Variants in NCAM2 observed in about 807,000 individuals in gnomAD.
NCAM2 encodes neural cell adhesion molecule 2.
A neutral mutation model predicts 98.1 loss-of-function variants in NCAM2; 30 were observed. The ratio of observed to expected loss-of-function variants is 0.31; its 90% confidence interval spans 0.23 to 0.41. The LOEUF (loss-of-function observed/expected upper bound fraction) is 0.41. Among genes scored for constraint, NCAM2 ranks in the 10% least tolerant of loss-of-function variants. The pLI, the probability that NCAM2 is intolerant of heterozygous loss-of-function variation, is 1.00. For missense variants in NCAM2, 867 were observed against 1,005.8 expected (o/e 0.86, Z 1.87); for synonymous variants, 368 against 342.4 (o/e 1.07, Z -0.83).
intron 1 of NCAM2, among the ~76,000 whole-genome samples, chr21:21,251,600 G>T (rs1289443248): frequency 6.6e-6 from 1 of 152,126 alleles, no homozygotes; most frequent in Admixed American, 6.5e-5. Context: ...ATTGTGAATA[G>T]TGCTGCAGTA....
At chr21:21,403,614 A>G (rs2076678146) in intron 9 of NCAM2, among the ~76,000 whole-genome samples, 1 of 152,196 alleles carries the variant, frequency 6.6e-6, no homozygotes, top group South Asian at 2.1e-4. Flanking sequence ...ATTATTTTGA[A>G]TTATTAGTGT....
At position 21,537,953 on chromosome 21, in the gene NCAM2, C is replaced by A; in HGVS notation, c.2510C>A (p.Ala837Glu). 2 of 1,518,308 alleles carry A rather than the reference C, an allele frequency of 1.3e-6. No homozygotes were observed. Among genetic ancestry groups the A allele is most frequent in the Non-Finnish European group, 1.8e-6 (2 of 1,117,668 alleles). The allele number at this position is 1,518,308 out of a possible 1,614,324, so 94.1% of individuals were successfully genotyped here. A position where few individuals can be genotyped will look rare whatever the true frequency, so the allele number is the denominator to read the frequency against. ...CAATCAAAAGAAGACGACAGCAAAG[C>A]ATAACAACAATATTACAGGGGCTTG... is the stretch of plus-strand genomic sequence containing the variant. ...IIQSKEDDSK[A>E] Residue 837 changes from alanine to glutamate, a missense_variant, in exon 18 of 18, where the codon GCA becomes GAA. Transcript: ENST00000400546.
chr21:21,389,532 C>T (rs1019331359), intron 9 of NCAM2, among the ~76,000 whole-genome samples: 1 of 152,110 alleles, frequency 6.6e-6, no homozygotes, highest in Non-Finnish European at 1.5e-5. Flanking sequence ...CGTCTTATTC[C>T]TCCTATCTAA....
intron 15 of NCAM2, among the ~76,000 whole-genome samples, chr21:21,483,149 C>T (rs1986043006): frequency 6.6e-6 from 1 of 151,940 alleles, no homozygotes; most frequent in Admixed American, 6.6e-5. Context: ...TGTTTGATAA[C>T]ATTTATATTT....
chr21:21,130,182 T>A (rs2146608481), intron 1 of NCAM2, among the ~76,000 whole-genome samples: 1 of 152,290 alleles, frequency 6.6e-6, no homozygotes, highest in African/African-American at 2.4e-5. Flanking sequence ...AAATGTCTTT[T>A]GAATTGTTGG....
At chr21:21,351,117 CAAAAAAAA>C (rs61586915) in intron 8 of NCAM2, among the ~76,000 whole-genome samples, 1 of 83,752 alleles carries the variant, frequency 1.2e-5, no homozygotes. Flanking sequence ...GACTCTGTCT[CAAAAAAAA>C]AAAAAAAAAA....
chr21:21,206,547 A>G (rs924532102), intron 1 of NCAM2, among the ~76,000 whole-genome samples: 4 of 152,098 alleles, frequency 2.6e-5, no homozygotes, highest in Non-Finnish European at 5.9e-5. Context: ...CATCACGAAC[A>G]CCACCCGCAA....
intron 1 of NCAM2, among the ~76,000 whole-genome samples, chr21:21,068,674 G>T (rs1030711603): frequency 1.3e-5 from 2 of 152,002 alleles, no homozygotes; most frequent in Non-Finnish European, 2.9e-5. Flanking sequence ...TGGTCAGGCT[G>T]GTCTCGAACT....
At chr21:21,473,749 C>T (rs890176034) in intron 14 of NCAM2, among the ~76,000 whole-genome samples, 5 of 151,490 alleles carry the variant, frequency 3.3e-5, no homozygotes, top group African/African-American at 1.2e-4. Flanking sequence ...TCAAGCAGCC[C>T]CTGAAAATAA....
intron 12 of NCAM2, among the ~76,000 whole-genome samples, chr21:21,442,290 G>A (rs1979411319): frequency 1.3e-5 from 2 of 152,292 alleles, no homozygotes; most frequent in East Asian, 1.9e-4. Flanking sequence ...GGGATGGGAA[G>A]AAGTTGTCAA....
At chr21:21,082,929 T>G (rs2065838582) in intron 1 of NCAM2, among the ~76,000 whole-genome samples, 1 of 152,220 alleles carries the variant, frequency 6.6e-6, no homozygotes, top group African/African-American at 2.4e-5. Flanking sequence ...CCAAACATCC[T>G]GTACTCTGGA....
intron 15 of NCAM2, among the ~76,000 whole-genome samples, chr21:21,493,260 T>A (rs1486097155): frequency 6.6e-6 from 1 of 151,874 alleles, no homozygotes; most frequent in Non-Finnish European, 1.5e-5. Context: ...ATATGTGGAG[T>A]TTTTTTATTT....
chr21:21,144,064 T>G (rs1771825982), intron 1 of NCAM2, among the ~76,000 whole-genome samples: 1 of 152,034 alleles, frequency 6.6e-6, no homozygotes, highest in African/African-American at 2.4e-5. Flanking sequence ...AAAATCAACC[T>G]TTTGGCTGGG....
chr21:21,193,815 A>G (rs1202088338), intron 1 of NCAM2, among the ~76,000 whole-genome samples: 1 of 152,072 alleles, frequency 6.6e-6, no homozygotes, highest in East Asian at 1.9e-4. Flanking sequence ...CATTTTTATG[A>G]CAGTTACAGT....
At chr21:21,433,582 A>G (rs528108441) in intron 12 of NCAM2, among the ~76,000 whole-genome samples, 1 of 151,230 alleles carries the variant, frequency 6.6e-6, no homozygotes, top group African/African-American at 2.4e-5. Context: ...TACTAAAAGT[A>G]CAAAAAAAAA....
chr21:21,448,684 A>G (rs1211290578), intron 12 of NCAM2, among the ~76,000 whole-genome samples: 1 of 152,182 alleles, frequency 6.6e-6, no homozygotes, highest in Non-Finnish European at 1.5e-5. Flanking sequence ...AAAAAAGACT[A>G]TCATTTCTAA....
intron 6 of NCAM2, 72 bp from the exon 7 acceptor site, chr21:21,335,433 T>G (rs1462875143): frequency 2.2e-6 from 3 of 1,336,958 alleles, no homozygotes; most frequent in African/African-American, 1.5e-5. Flanking sequence ...GCCTATAGAT[T>G]AAAAAGTTGA....
intron 5 of NCAM2, among the ~76,000 whole-genome samples, chr21:21,293,973 C>T (rs151071054): frequency 5.0e-4 from 76 of 151,460 alleles, no homozygotes; most frequent in African/African-American, 1.8e-3. Context: ...CATATAATTA[C>T]ACTAAAATAT....
intron 1 of NCAM2, among the ~76,000 whole-genome samples, chr21:21,167,283 T>C (rs2067982565): frequency 6.6e-6 from 1 of 152,148 alleles, no homozygotes; most frequent in African/African-American, 2.4e-5. Flanking sequence ...ATTTTAGCCA[T>C]GATTAGATGT....
Sources: allele counts gnomAD v4.1 joint callset (sites outside exome capture counted in the v4.1 genomes callset), GRCh38; gene constraint gnomAD v4.1.1; transcripts MANE v1.5; gene names NCBI Gene and HGNC (gene_info 2026-07-23, HGNC 2026-07-21).